NDUFAF6: variants seen among roughly 807,000 people sequenced by gnomAD.
NDUFAF6 encodes the protein NADH dehydrogenase (ubiquinone) complex I, assembly factor 6.
NDUFAF6 carries 45 observed loss-of-function variants against 40.8 expected under a neutral mutation model. That is an observed-to-expected ratio of 1.10 (90% confidence interval 0.87 to 1.42). The LOEUF (loss-of-function observed/expected upper bound fraction) is 1.42. Ranked by LOEUF, NDUFAF6 falls within the 40% of genes most tolerant of loss-of-function variation. The probability of loss-of-function intolerance (pLI) is 0.00; values close to 1 mark genes in which losing one functional copy is unlikely to be tolerated. For synonymous variants in NDUFAF6, 185 were observed against 155.9 expected, an observed-to-expected ratio of 1.19 and a Z score of -1.39; for missense variants, 435 against 418.5, an observed-to-expected ratio of 1.04 and a Z score of -0.34.
intron 2 of NDUFAF6, among the ~76,000 whole-genome samples, chr8:95,012,349 A>T (rs1354896665): frequency 7.2e-5 from 11 of 152,146 alleles, no homozygotes; most frequent in African/African-American, 2.7e-4. Context: ...TCTTTTGACT[A>T]TCTATAGGCT....
At chr8:94,903,850 T>G in intron 1 of NDUFAF6, among the ~76,000 whole-genome samples, 1 of 152,196 alleles carries the variant, frequency 6.6e-6, no homozygotes, top group Non-Finnish European at 1.5e-5. Flanking sequence ...CCCCTGCTTC[T>G]GTAGGTAATT....
intron 1 of NDUFAF6, chr8:94,896,663 A>C: frequency 6.6e-6 from 1 of 151,922 alleles, no homozygotes; most frequent in Non-Finnish European, 1.5e-5. Context: ...CGCGCCGGGG[A>C]GACGGAGCCT....
intron 2 of NDUFAF6, among the ~76,000 whole-genome samples, chr8:95,033,461 C>T (rs1829096916): frequency 6.6e-6 from 1 of 152,208 alleles, no homozygotes; most frequent in Non-Finnish European, 1.5e-5. Flanking sequence ...TGTTTATTCA[C>T]TCATTCAACA....
chr8:95,071,540 G>A (rs146360201), intron 9 of NDUFAF6, among the ~76,000 whole-genome samples: 170 of 152,240 alleles, frequency 1.1e-3, no homozygotes, highest in African/African-American at 3.9e-3. Flanking sequence ...TAAGAGGTCA[G>A]CTGTTGCCCC....
chr8:94,944,167 A>G (rs1412514337), intron 1 of NDUFAF6, among the ~76,000 whole-genome samples: 1 of 152,214 alleles, frequency 6.6e-6, no homozygotes, highest in Non-Finnish European at 1.5e-5. Flanking sequence ...TCTGCAGAGC[A>G]TGGTGCTGGA....
chr8:95,060,759 A>G (rs976502360), downstream of NDUFAF6, among the ~76,000 whole-genome samples: 3 of 152,262 alleles, frequency 2.0e-5, no homozygotes, highest in African/African-American at 7.2e-5. Flanking sequence ...GAGATTGTCA[A>G]GTAAACTGCC....
chr8:95,059,948 T>G (rs1832528378), downstream of NDUFAF6, among the ~76,000 whole-genome samples: 1 of 146,564 alleles, frequency 6.8e-6, no homozygotes, highest in South Asian at 2.2e-4. Context: ...GAGTCTTTGT[T>G]AGGGAGCATT....
intron 1 of NDUFAF6, among the ~76,000 whole-genome samples, chr8:94,935,484 G>A (rs1397223262): frequency 6.6e-6 from 1 of 152,218 alleles, no homozygotes; most frequent in East Asian, 1.9e-4. Context: ...TAAAAAGCCA[G>A]AAGGCAGAGA....
downstream of NDUFAF6, among the ~76,000 whole-genome samples, chr8:95,063,553 C>T (rs1246430652): frequency 1.3e-5 from 2 of 152,176 alleles, no homozygotes; most frequent in African/African-American, 4.8e-5. Flanking sequence ...GCCGAGATCG[C>T]TCCACTGCCC....
intron 2 of NDUFAF6, among the ~76,000 whole-genome samples, chr8:95,018,242 G>A (rs1010072851): frequency 6.8e-6 from 1 of 148,066 alleles, no homozygotes; most frequent in South Asian, 2.1e-4. Flanking sequence ...TCCCTATGTT[G>A]CCCAGGCTGG....
At chr8:94,974,230 T>A (rs563420699) in intron 1 of NDUFAF6, among the ~76,000 whole-genome samples, 250 of 150,426 alleles carry the variant, frequency 1.7e-3, no homozygotes, top group African/African-American at 5.7e-3. Context: ...GTTTTTTTTT[T>A]AAATTATCTT....
At chr8:95,091,453 G>T (rs1384194028) in intron 2 of NDUFAF6, among the ~76,000 whole-genome samples, 1 of 151,918 alleles carries the variant, frequency 6.6e-6, no homozygotes, top group Non-Finnish European at 1.5e-5. Context: ...AGAGACATGG[G>T]GATTATGGGG....
intron 9 of NDUFAF6, among the ~76,000 whole-genome samples, chr8:95,066,628 G>A (rs982964489): frequency 1.3e-5 from 2 of 152,024 alleles, no homozygotes; most frequent in East Asian, 3.8e-4. Context: ...TGTGTTTAAT[G>A]AGAATGAGAA....
At position 94,912,657 on chromosome 8, in the gene NDUFAF6, C is replaced by CA. The variant is rs549162454; in HGVS notation, c.-936+16736dup. ...TAAAAAAAAAAAAGAAAGAAAAATA[C>CA]AAAAAATTAGCTGGGCGTGGTGGCG... On this transcript the variant is annotated intron_variant, in intron 1 of 14. Transcript: ENST00000396113. Among the ~76,000 whole-genome samples the CA allele has an allele frequency of 2.0e-3, 303 of 151,466 alleles. 1 individual carries two copies. The highest frequency in any genetic ancestry group is 3.3e-3 in the Non-Finnish European group (221 of 67,840).
intron 2 of NDUFAF6, among the ~76,000 whole-genome samples, chr8:95,005,554 A>ATATATATATATATATATATGTATAT (rs1554657858): frequency 1.7e-5 from 2 of 115,354 alleles, no homozygotes; most frequent in African/African-American, 7.5e-5. Flanking sequence ...TATATATATA[A>ATATATATATATATATATATGTATAT]AAAATATATT....
At chr8:95,095,114 G>A (rs777754377) in intron 2 of NDUFAF6, among the ~76,000 whole-genome samples, 6 of 151,212 alleles carry the variant, frequency 4.0e-5, no homozygotes, top group East Asian at 1.9e-4. Context: ...TAACCATCAC[G>A]CAGTCAGATA....
At chr8:94,924,251 G>A (rs901404860) in intron 1 of NDUFAF6, among the ~76,000 whole-genome samples, 2 of 151,492 alleles carry the variant, frequency 1.3e-5, no homozygotes, top group African/African-American at 2.4e-5. Context: ...TAGTAGAGAC[G>A]GGGTTTCACT....
intron 2 of NDUFAF6, among the ~76,000 whole-genome samples, chr8:95,006,627 C>T (rs1586952140): frequency 6.6e-6 from 1 of 152,040 alleles, no homozygotes; most frequent in African/African-American, 2.4e-5. Flanking sequence ...ACACGTGTAA[C>T]CCCAGCATTT....
intron 2 of NDUFAF6, among the ~76,000 whole-genome samples, chr8:95,091,173 G>T (rs1199416322): frequency 6.6e-6 from 1 of 151,990 alleles, no homozygotes; most frequent in East Asian, 1.9e-4. Flanking sequence ...CTGCTATAAA[G>T]AAATACCCGA....
Sources: allele counts gnomAD v4.1 joint callset (sites outside exome capture counted in the v4.1 genomes callset), GRCh38; gene constraint gnomAD v4.1.1; transcripts MANE v1.5; gene names NCBI Gene and HGNC (gene_info 2026-07-23, HGNC 2026-07-21).